MYO3B: variants seen among roughly 807,000 people sequenced by gnomAD.
The protein encoded by MYO3B is myosin IIIB.
A neutral mutation model predicts 174.6 loss-of-function variants in MYO3B; 156 were observed. The ratio of observed to expected loss-of-function variants is 0.89; its 90% CI spans 0.78 to 1.02. The LOEUF is 1.02. MYO3B is among the 50% of genes least tolerant of loss of function. The pLI, the probability that MYO3B is intolerant of heterozygous loss-of-function variation, is 0.00. For synonymous variants in MYO3B, 563 were observed against 569.1 expected, an observed-to-expected ratio of 0.99 and a Z score of 0.15; for missense variants, 1,632 against 1,639.4, an observed-to-expected ratio of 1.00 and a Z score of 0.08.
Position 170,301,449 on chromosome 2 carries a change from T to G in MYO3B, c.750-33936T>G, listed in dbSNP as rs377351195. Reference sequence around the variant, plus strand: ...ATAATAGTTTTAGATCACTCTATTTTTATACATTTCTGGGCACAAAACATG... The same window carrying G: ...ATAATAGTTTTAGATCACTCTATTTGTATACATTTCTGGGCACAAAACATG... On this transcript the variant is annotated intron_variant, in intron 7 of 34. Transcript: ENST00000408978. 1.2e-4 allele frequency among the ~76,000 whole-genome samples: 18 copies of G among 152,328 alleles called. 1 individual carries two copies. The highest frequency in any genetic ancestry group is 4.3e-4 in the African/African-American group (18 of 41,590).
chr2:170,227,476 G>C lies in MYO3B; in HGVS notation c.604-8515G>C, dbSNP rs1046090640. Among the ~76,000 whole-genome samples the C allele has an allele frequency of 0.011, 6 of 528 alleles. No individual in the cohort carries two copies. In the Admixed American group the frequency reaches 0.11, roughly 10 times the overall value. The allele number at this position is 528 out of a possible 152,430, so 0.3% of individuals were successfully genotyped here. On this transcript the variant is annotated intron_variant, in intron 6 of 34. Transcript: ENST00000408978. ...ATTTTTGTATTTTTAGTAGAGACAG[G>C]GTTCCATCATGTTGCCCAGGCTGGT...
chr2:170,248,850 A>T (rs2093220576), intron 7 of MYO3B, among the ~76,000 whole-genome samples: 1 of 152,150 alleles, frequency 6.6e-6, no homozygotes, highest in Non-Finnish European at 1.5e-5. Context: ...TAACATATTC[A>T]CAGGTTCTGG....
At chr2:170,190,888 T>C (rs1313720281) in intron 1 of MYO3B, among the ~76,000 whole-genome samples, 1 of 151,946 alleles carries the variant, frequency 6.6e-6, no homozygotes, top group Non-Finnish European at 1.5e-5. Context: ...AAGTGTCCTT[T>C]ACTCTTTTCT....
At chr2:170,304,406 C>A (rs1348312883) in intron 7 of MYO3B, among the ~76,000 whole-genome samples, 1 of 151,348 alleles carries the variant, frequency 6.6e-6, no homozygotes, top group Non-Finnish European at 1.5e-5. Context: ...AGGCCATGTA[C>A]ACTTCATCTA....
intron 22 of MYO3B, among the ~76,000 whole-genome samples, chr2:170,410,847 GT>G: frequency 6.6e-6 from 1 of 151,754 alleles, no homozygotes; most frequent in East Asian, 1.9e-4. Context: ...GTAATGTTGG[GT>G]TTTTTTCTCC....
chr2:170,201,867 A>G (rs772014021), intron 3 of MYO3B, among the ~76,000 whole-genome samples: 1 of 152,156 alleles, frequency 6.6e-6, no homozygotes, highest in Non-Finnish European at 1.5e-5. Flanking sequence ...TAACTTAGTA[A>G]TGGAAGTACA....
chr2:170,407,469 A>C (rs1455837284), intron 21 of MYO3B, among the ~76,000 whole-genome samples: 2 of 152,190 alleles, frequency 1.3e-5, no homozygotes, highest in Admixed American at 6.5e-5. Flanking sequence ...TCAAGAAAGA[A>C]AAAAACAAAA....
At chr2:170,225,985 C>T (rs1328663811) in intron 6 of MYO3B, among the ~76,000 whole-genome samples, 1 of 152,128 alleles carries the variant, frequency 6.6e-6, no homozygotes, top group East Asian at 1.9e-4. Flanking sequence ...CTTTTAAGGT[C>T]CTGTCTATTT....
intron 32 of MYO3B, among the ~76,000 whole-genome samples, chr2:170,548,697 A>C (rs1375335672): frequency 6.6e-6 from 1 of 152,194 alleles, no homozygotes; most frequent in Non-Finnish European, 1.5e-5. Context: ...GTGCACAAAC[A>C]CAATTCTCCT....
intron 32 of MYO3B, among the ~76,000 whole-genome samples, chr2:170,608,667 A>AAGAG (rs1013444433): frequency 4.0e-5 from 6 of 150,454 alleles, no homozygotes; most frequent in Non-Finnish European, 7.4e-5. Flanking sequence ...TTCAAGCCCA[A>AAGAG]AGAGAGAGAG....
intron 3 of MYO3B, among the ~76,000 whole-genome samples, chr2:170,201,371 T>G (rs142891989): frequency 0.013 from 1,929 of 152,320 alleles, 14 homozygotes; most frequent in Middle Eastern, 0.027. Flanking sequence ...CCCAGCACAG[T>G]GTGGACACAA....
At chr2:170,311,875 T>C (rs2093742414) in intron 7 of MYO3B, among the ~76,000 whole-genome samples, 1 of 152,194 alleles carries the variant, frequency 6.6e-6, no homozygotes, top group African/African-American at 2.4e-5. Flanking sequence ...CTTTCTCCAT[T>C]GAATGGTCTT....
intron 6 of MYO3B, 129 bp downstream of exon 6, chr2:170,217,524 T>C: frequency 1.3e-6 from 1 of 798,194 alleles, no homozygotes; most frequent in Admixed American, 1.9e-5. Flanking sequence ...CATTGAACTT[T>C]AAGAGTACTA....
chr2:170,621,523 G>GT (rs985425365), intron 32 of MYO3B, among the ~76,000 whole-genome samples: 3 of 149,906 alleles, frequency 2.0e-5, no homozygotes, highest in Admixed American at 6.6e-5. Context: ...TTGTTTTTTT[G>GT]TTTTTGAGAC....
At chr2:170,315,748 T>A (rs1310555088) in intron 7 of MYO3B, among the ~76,000 whole-genome samples, 1 of 152,258 alleles carries the variant, frequency 6.6e-6, no homozygotes, top group Non-Finnish European at 1.5e-5. Flanking sequence ...TGCTATCGCA[T>A]TTTACATATG....
intron 32 of MYO3B, among the ~76,000 whole-genome samples, chr2:170,589,630 G>C (rs1693700826): frequency 6.6e-6 from 1 of 152,154 alleles, no homozygotes; most frequent in South Asian, 2.1e-4. Flanking sequence ...TTGTACAGCT[G>C]CACAATGTGT....
At position 170,499,680 on chromosome 2, in the gene MYO3B, A is replaced by G; in HGVS notation, c.3161A>G (p.Asn1054Ser). Reference protein sequence around the residue: ...FLKYYHVEQLNLLLREVIGRV... With the variant: ...FLKYYHVEQLSLLLREVIGRV... ...AAATATTACCATGTTGAGCAATTAA[A>G]TTTGCTGCTTCGAGAAGTCATAGGC... The change falls in exon 27 of 35, where the codon AAT becomes AGT. Residue 1054 changes from asparagine to serine, a missense_variant. Asn to Ser is a conservative substitution (Grantham distance 46). Coordinates refer to ENST00000408978, the MANE Select transcript of MYO3B (RefSeq NM_138995.5). The G allele has an allele frequency of 6.2e-7, 1 of 1,614,134 alleles. No homozygotes were observed. The highest frequency in any genetic ancestry group is 8.5e-7 in the Non-Finnish European group (1 of 1,179,978).
Position 170,387,311 on chromosome 2 carries a change from A to G in MYO3B, c.1577+3A>G. The G allele has an allele frequency of 1.2e-6, 2 of 1,613,896 alleles. No homozygotes were observed. Among genetic ancestry groups the G allele is most frequent in the Non-Finnish European group, 1.7e-6 (2 of 1,179,778 alleles). On this transcript the variant is annotated splice_donor_region_variant and intron_variant, in intron 14 of 34. Coordinates refer to ENST00000408978, the MANE Select transcript of MYO3B (RefSeq NM_138995.5). ...TCCAGAGTTATAAAACAGGCAGCGT[A>G]GGTGCACTACTTTATCACTGTGTTT...
chr2:170,451,396 T>C (rs1396219834), intron 23 of MYO3B, among the ~76,000 whole-genome samples: 2 of 152,256 alleles, frequency 1.3e-5, no homozygotes, highest in Non-Finnish European at 2.9e-5. Context: ...GACTCCAAAG[T>C]AGGTAAGTCA....
Sources: allele counts gnomAD v4.1 joint callset (sites outside exome capture counted in the v4.1 genomes callset), GRCh38; gene constraint gnomAD v4.1.1; transcripts MANE v1.5; gene names NCBI Gene and HGNC (gene_info 2026-07-23, HGNC 2026-07-21).